Variants in PLEKHA5 observed in about 807,000 individuals in gnomAD.
PLEKHA5 encodes pleckstrin homology domain-containing family A member 5.
PLEKHA5 carries 55 observed loss-of-function variants against 181.9 expected under a neutral mutation model. The ratio of observed to expected loss-of-function variants is 0.30; its 90% confidence interval spans 0.24 to 0.38. The LOEUF (loss-of-function observed/expected upper bound fraction) is 0.38, where lower values mean the gene tolerates loss of function less well. Among genes scored for constraint, PLEKHA5 ranks in the 10% least tolerant of loss-of-function variants. The pLI is 1.00. For missense variants in PLEKHA5, 1,432 were observed against 1,549.5 expected (o/e 0.92, Z 1.27); for synonymous variants, 535 against 529.4 (o/e 1.01, Z -0.15).
At chr12:19,242,751 C>T (rs2062902962) in intron 3 of PLEKHA5, among the ~76,000 whole-genome samples, 1 of 152,108 alleles carries the variant, frequency 6.6e-6, no homozygotes, top group Non-Finnish European at 1.5e-5. Flanking sequence ...TTACATCATA[C>T]TCATATTTTC....
chr12:19,219,694 T>C (rs1402402215), intron 3 of PLEKHA5, among the ~76,000 whole-genome samples: 1 of 152,172 alleles, frequency 6.6e-6, no homozygotes, highest in Non-Finnish European at 1.5e-5. Context: ...TAGGCTTTAA[T>C]TGATTTTTTT....
At chr12:19,282,547 T>C (rs923842232) in intron 11 of PLEKHA5, among the ~76,000 whole-genome samples, 25 of 152,220 alleles carry the variant, frequency 1.6e-4, no homozygotes, top group South Asian at 2.1e-4. Flanking sequence ...CATATACTTG[T>C]AGTAATTTAT....
intron 8 of PLEKHA5, among the ~76,000 whole-genome samples, chr12:19,269,392 A>AC (rs1452361873): frequency 7.1e-6 from 1 of 140,734 alleles, no homozygotes; most frequent in East Asian, 2.0e-4. Flanking sequence ...GTCTCAAAAA[A>AC]AAGAAAAAAA....
At chr12:19,327,252 T>TG (rs1332731652) in intron 20 of PLEKHA5, among the ~76,000 whole-genome samples, 18 of 149,978 alleles carry the variant, frequency 1.2e-4, no homozygotes, top group South Asian at 4.3e-4. Flanking sequence ...TTTTTGTTTT[T>TG]TTTTTTTTTT....
At chr12:19,244,040 A>G (rs559417999) in intron 3 of PLEKHA5, among the ~76,000 whole-genome samples, 1 of 152,268 alleles carries the variant, frequency 6.6e-6, no homozygotes, top group South Asian at 2.1e-4. Flanking sequence ...AAAGTTATCT[A>G]TGTGAAACAT....
At chr12:19,141,289 AAAT>A (rs1228237636) in intron 3 of PLEKHA5, among the ~76,000 whole-genome samples, 1 of 152,208 alleles carries the variant, frequency 6.6e-6, no homozygotes, top group Non-Finnish European at 1.5e-5. Context: ...CAAATTAAAA[AAAT>A]CTCGGACAAG....
chr12:19,158,164 A>G (rs2042186020), intron 3 of PLEKHA5, among the ~76,000 whole-genome samples: 1 of 152,012 alleles, frequency 6.6e-6, no homozygotes, highest in Non-Finnish European at 1.5e-5. Context: ...CATTCTAGCT[A>G]ACACAGTGAA....
chr12:19,237,122 A>G (rs1222533828), intron 3 of PLEKHA5: 2 of 152,210 alleles, frequency 1.3e-5, no homozygotes, highest in Non-Finnish European at 2.9e-5. Context: ...TAATGATCCT[A>G]TGGCAAATAA....
At chr12:19,278,930 A>G (rs2075340219) in intron 11 of PLEKHA5, among the ~76,000 whole-genome samples, 1 of 152,316 alleles carries the variant, frequency 6.6e-6, no homozygotes, top group South Asian at 2.1e-4. Flanking sequence ...CTGAAGAACA[A>G]CCACCATGAT....
intron 15 of PLEKHA5, chr12:19,306,544 C>T: frequency 2.7e-6 from 2 of 753,300 alleles, no homozygotes; most frequent in Non-Finnish European, 5.0e-6. Flanking sequence ...CGAGCAGCGC[C>T]GTGAGCAACA....
chr12:19,159,629 G>T (rs1247015686), intron 3 of PLEKHA5, among the ~76,000 whole-genome samples: 1 of 152,140 alleles, frequency 6.6e-6, no homozygotes, highest in East Asian at 1.9e-4. Context: ...TTTCATGTAT[G>T]AATAACATAC....
At chr12:19,362,167 CAAAAAAAA>C (rs33984774) in intron 29 of PLEKHA5, among the ~76,000 whole-genome samples, 1 of 61,612 alleles carries the variant, frequency 1.6e-5, no homozygotes, top group African/African-American at 6.2e-5. Context: ...GACTCTGTCT[CAAAAAAAA>C]AAAAAAAAAA....
At chr12:19,250,276 G>C (rs1460381862) in intron 3 of PLEKHA5, among the ~76,000 whole-genome samples, 4 of 152,122 alleles carry the variant, frequency 2.6e-5, no homozygotes, top group African/African-American at 9.7e-5. Flanking sequence ...GTGACCATAG[G>C]TATGTATTAT....
At chr12:19,213,605 G>A (rs758466779) in intron 3 of PLEKHA5, among the ~76,000 whole-genome samples, 6 of 152,166 alleles carry the variant, frequency 3.9e-5, no homozygotes, top group Non-Finnish European at 8.8e-5. Context: ...ACTTGCAGCA[G>A]TGTGGAGGAC....
intron 3 of PLEKHA5, among the ~76,000 whole-genome samples, chr12:19,232,638 A>G (rs993878326): frequency 6.6e-6 from 1 of 152,170 alleles, no homozygotes; most frequent in African/African-American, 2.4e-5. Context: ...GGGCTTTCTC[A>G]TTATAAATGG....
At chr12:19,157,609 G>T (rs1027876102) in intron 3 of PLEKHA5, among the ~76,000 whole-genome samples, 1 of 151,954 alleles carries the variant, frequency 6.6e-6, no homozygotes, top group Non-Finnish European at 1.5e-5. Context: ...CACTCTGCTG[G>T]GTCTTTTATA....
intron 3 of PLEKHA5, among the ~76,000 whole-genome samples, chr12:19,189,206 C>T (rs916386979): frequency 6.6e-6 from 1 of 152,180 alleles, no homozygotes; most frequent in Non-Finnish European, 1.5e-5. Context: ...GGACCGGGGC[C>T]ACACTGTGCA....
chr12:19,281,768 T>TTTGTTGTTGTTG (rs71064075), intron 11 of PLEKHA5, among the ~76,000 whole-genome samples: 114 of 149,616 alleles, frequency 7.6e-4, no homozygotes, highest in African/African-American at 2.6e-3. Flanking sequence ...CAAAGTGGTT[T>TTTGTTGTTGTTG]TTGTTGTTGT....
intron 15 of PLEKHA5, 27 bp from the exon 16 acceptor site, chr12:19,314,787 C>G: frequency 8.1e-7 from 1 of 1,239,848 alleles, no homozygotes; most frequent in Non-Finnish European, 1.2e-6. Context: ...CTGATGTTTG[C>G]TGTATGCTCC....
Sources: gnomAD v4.1 joint callset for allele counts (sites outside exome capture counted in the v4.1 genomes callset) on GRCh38, gnomAD v4.1.1 for gene constraint, MANE v1.5 for transcripts, NCBI Gene and HGNC (gene_info 2026-07-23, HGNC 2026-07-21) for gene names.